The following ANKRD17 variants were observed in gnomAD, a reference collection of about 807,000 sequenced individuals.
ANKRD17 encodes the protein ankyrin repeat domain-containing protein 17.
Under a neutral mutation model 229.7 loss-of-function variants are expected in ANKRD17, and 19 were observed. That is an observed-to-expected ratio of 0.08 (90% CI 0.06 to 0.12). The LOEUF is 0.12. Among genes scored for constraint, ANKRD17 ranks in the 10% least tolerant of loss-of-function variants. The probability of loss-of-function intolerance (pLI) is 1.00; values close to 1 mark genes in which losing one functional copy is unlikely to be tolerated. For synonymous variants in ANKRD17, 1,112 were observed against 1,146.1 expected (o/e 0.97, Z 0.60); for missense variants, 2,176 against 3,176.8 (o/e 0.68, Z 7.57).
chr4:73,125,067 AAAT>A lies in ANKRD17; in HGVS notation c.3347-12_3347-10del. The A allele has an allele frequency of 6.2e-7, 1 of 1,614,078 alleles. No individual in the cohort carries two copies. Among genetic ancestry groups the A allele is most frequent in the Non-Finnish European group, 8.5e-7 (1 of 1,179,962 alleles). On this transcript the variant is annotated splice_polypyrimidine_tract_variant and intron_variant, in intron 17 of 33. Transcript: ENST00000358602. ...GATGAGTGGAGTAAAACCTGGAGAAAAATAATGATCTTCTCACTACATGCTAAG... is the reference window on the plus strand; with the variant it reads ...GATGAGTGGAGTAAAACCTGGAGAAAAATGATCTTCTCACTACATGCTAAG...
intron 16 of ANKRD17, among the ~76,000 whole-genome samples, chr4:73,128,919 GA>G (rs761733092): frequency 7.9e-5 from 12 of 151,736 alleles, no homozygotes; most frequent in Admixed American, 2.0e-4. Context: ...ACAAAGTAAA[GA>G]AAAAAACAGG....
At chr4:73,109,960 G>A (rs1725101872) in intron 24 of ANKRD17, among the ~76,000 whole-genome samples, 1 of 126,856 alleles carries the variant, frequency 7.9e-6, no homozygotes, top group African/African-American at 2.9e-5. Flanking sequence ...CCGAGAATGG[G>A]ATAGGTTGTG....
At position 73,098,410 on chromosome 4, in the gene ANKRD17, T is replaced by C. The variant is rs778247855; in HGVS notation, c.4684A>G (p.Ile1562Val). The change falls in exon 26 of 34, where the codon ATA becomes GTA. Residue 1562 changes from isoleucine (I) to valine (V), a missense_variant. By Grantham distance (29) the Ile-to-Val change is conservative. This residue lies in a region of ANKRD17 where 105 missense variants were observed against 118.3 expected (regional missense o/e 0.89). Coordinates refer to ENST00000358602, the MANE Select transcript of ANKRD17 (RefSeq NM_032217.5). Reference sequence around the variant, plus strand: ...TTCCTCTTTGAACTGGTTGTAGTTATGGTATTATTTCTTTTACCATGAGAA... The same window carrying C: ...TTCCTCTTTGAACTGGTTGTAGTTACGGTATTATTTCTTTTACCATGAGAA... ...AGSHGKRNNT[I>V]TTTSSKRKNR... 1.9e-5 allele frequency: 30 copies of C among 1,614,116 alleles called. No individual in the cohort carries two copies. The East Asian group carries it at 6.5e-4, about 35-fold the overall frequency.
chr4:73,097,933 T>A, intron 26 of ANKRD17, 140 bp downstream of exon 26: 1 of 641,238 alleles, frequency 1.6e-6, no homozygotes, highest in Admixed American at 3.4e-5. Context: ...ATTCTTCAAT[T>A]CAATTGAAAC....
rs1560547597 is a variant in ANKRD17 at position 73,120,884 on chromosome 4, A to G, written c.3846T>C (p.Ala1282=). ...TAAATCTCAGACTTTTTCTTACCTT[A>G]GCTCTGTGTTCAACATTTGCTTTTC... ...LDRKANVEHR[A]KTGLTPLMEA... The change falls in exon 20 of 34, where the codon GCT becomes GCC. Residue 1282 remains alanine, a synonymous_variant. Transcript: ENST00000358602. 1.9e-6 allele frequency: 3 copies of G among 1,612,828 alleles called. No homozygotes were observed. Among genetic ancestry groups the G allele is most frequent in the Middle Eastern group, 1.7e-4 (1 of 6,060 alleles).
At chr4:73,099,528 C>G (rs1434951676) in intron 25 of ANKRD17, among the ~76,000 whole-genome samples, 3 of 152,200 alleles carry the variant, frequency 2.0e-5, no homozygotes, top group Non-Finnish European at 4.4e-5. Flanking sequence ...TGCTCCTCCA[C>G]TGTTCCCTCT....
At chr4:73,246,759 AG>A (rs991149476) in intron 1 of ANKRD17, among the ~76,000 whole-genome samples, 4 of 152,160 alleles carry the variant, frequency 2.6e-5, no homozygotes, top group African/African-American at 9.7e-5. Context: ...AAACAGGAGA[AG>A]GTGGTATTAC....
At chr4:73,216,920 T>C (rs915269832) in intron 1 of ANKRD17, among the ~76,000 whole-genome samples, 5 of 152,214 alleles carry the variant, frequency 3.3e-5, no homozygotes, top group Non-Finnish European at 7.3e-5. Flanking sequence ...GCCATTGGTT[T>C]GGCAAATTTG....
intron 30 of ANKRD17, among the ~76,000 whole-genome samples, chr4:73,081,847 A>G (rs921730216): frequency 1.3e-5 from 2 of 152,184 alleles, no homozygotes; most frequent in African/African-American, 2.4e-5. Context: ...GTGATTTACA[A>G]ATTCAAAAAG....
intron 1 of ANKRD17, among the ~76,000 whole-genome samples, chr4:73,180,746 A>G (rs1735438909): frequency 6.6e-6 from 1 of 152,202 alleles, no homozygotes; most frequent in South Asian, 2.1e-4. Flanking sequence ...TGAAGGAGCT[A>G]CTTTCAAGGA....
intron 24 of ANKRD17, chr4:73,113,261 T>G (rs1395757119): frequency 2.4e-5 from 31 of 1,289,258 alleles, no homozygotes; most frequent in Non-Finnish European, 2.8e-5. Context: ...TATGCTGTTT[T>G]GGTGTATTTT....
At chr4:73,136,059 A>C (rs943482315) in intron 15 of ANKRD17, among the ~76,000 whole-genome samples, 1 of 152,226 alleles carries the variant, frequency 6.6e-6, no homozygotes, top group African/African-American at 2.4e-5. Flanking sequence ...TATGCAACTT[A>C]AGAAAAGGCT....
chr4:73,234,733 T>C (rs1192060410), intron 1 of ANKRD17, among the ~76,000 whole-genome samples: 1 of 152,194 alleles, frequency 6.6e-6, no homozygotes, highest in Non-Finnish European at 1.5e-5. Flanking sequence ...CCTAAGTAGA[T>C]GCCCATACTA....
chr4:73,177,933 G>T (rs554047844), intron 1 of ANKRD17, among the ~76,000 whole-genome samples: 1 of 152,158 alleles, frequency 6.6e-6, no homozygotes, highest in East Asian at 1.9e-4. Context: ...GAACTCCCAA[G>T]GACTTTATAT....
Position 73,091,309 on chromosome 4 carries a change from T to A in ANKRD17, c.6319A>T (p.Asn2107Tyr). The stretch of plus-strand genomic sequence containing the variant: ...ACAGATCCCGGAGGTTGTTGCTGAT[T>A]AGAATGAGCTGATGAACTCCCAGAA... Reference protein sequence around the residue: ...SSSGSSSAHSNQQQPPGSVSQ... With the variant: ...SSSGSSSAHSYQQQPPGSVSQ... Residue 2107 changes from asparagine (N) to tyrosine (Y), a missense_variant, in exon 29 of 34, where the codon AAT becomes TAT. Asn to Tyr is a moderately radical substitution (Grantham distance 143). This residue lies in a region of ANKRD17 where 424 missense variants were observed against 454.0 expected (regional missense o/e 0.93). Coordinates refer to ENST00000358602, the MANE Select transcript of ANKRD17 (RefSeq NM_032217.5). The A allele has an allele frequency of 6.2e-7, 1 of 1,614,140 alleles. No individual in the cohort carries two copies. Among genetic ancestry groups the A allele is most frequent in the Non-Finnish European group, 8.5e-7 (1 of 1,180,034 alleles).
At chr4:73,169,446 G>T (rs1439820839) in intron 2 of ANKRD17, among the ~76,000 whole-genome samples, 1 of 151,952 alleles carries the variant, frequency 6.6e-6, no homozygotes, top group Non-Finnish European at 1.5e-5. Context: ...CCAACTCAGG[G>T]CCTAGGGGAA....
chr4:73,119,161 A>C (rs1453752546), intron 21 of ANKRD17, among the ~76,000 whole-genome samples: 1 of 152,162 alleles, frequency 6.6e-6, no homozygotes, highest in Non-Finnish European at 1.5e-5. Flanking sequence ...TGCTGGAATT[A>C]TAGGCATTGT....
intron 1 of ANKRD17, among the ~76,000 whole-genome samples, chr4:73,226,673 G>A (rs1453112545): frequency 6.6e-6 from 1 of 151,992 alleles, no homozygotes; most frequent in Non-Finnish European, 1.5e-5. Context: ...GATTACAGGC[G>A]TGAGCCACCG....
At chr4:73,163,682 C>T (rs999993284) in intron 2 of ANKRD17, among the ~76,000 whole-genome samples, 4 of 151,988 alleles carry the variant, frequency 2.6e-5, no homozygotes, top group Non-Finnish European at 4.4e-5. Context: ...GATTAAGCAC[C>T]GAGTTAGAAT....
Sources: allele counts gnomAD v4.1 joint callset (sites outside exome capture counted in the v4.1 genomes callset), GRCh38; gene constraint gnomAD v4.1.1; regional missense constraint gnomAD v4.1.1; transcripts MANE v1.5; gene names NCBI Gene and HGNC (gene_info 2026-07-23, HGNC 2026-07-21).